The following RHBDD1 variants were observed in gnomAD, a reference collection of about 807,000 sequenced individuals.
The protein encoded by RHBDD1 is rhomboid domain containing 1, also known as rhomboid-related protein 4.
Under a neutral mutation model 36.3 loss-of-function variants are expected in RHBDD1, and 38 were observed. The ratio of observed to expected loss-of-function variants is 1.05; its 90% CI spans 0.81 to 1.37. RHBDD1 has a LOEUF of 1.37. RHBDD1 is among the 40% of genes most tolerant of loss of function. RHBDD1 has a pLI of 0.00. For synonymous variants in RHBDD1, 151 were observed against 136.5 expected (o/e 1.11, Z -0.74); for missense variants, 393 against 377.6 (o/e 1.04, Z -0.34).
the RHBDD1 span, chr2:226,803,941 T>C: frequency 6.6e-6 from 1 of 152,222 alleles, no homozygotes; most frequent in African/African-American, 2.4e-5. Context: ...CAGTGCATTT[T>C]TAACATACTC....
At chr2:226,992,769 C>T (rs1462368015) in intron 8 of RHBDD1, among the ~76,000 whole-genome samples, 1 of 152,142 alleles carries the variant, frequency 6.6e-6, no homozygotes. Flanking sequence ...AGAGGTGCAA[C>T]CCTGAACACT....
chr2:226,928,027 C>G (rs747612019), intron 8 of RHBDD1, among the ~76,000 whole-genome samples: 3 of 152,028 alleles, frequency 2.0e-5, no homozygotes, highest in Non-Finnish European at 4.4e-5. Context: ...AACCCAAGAC[C>G]ATGATTTTCT....
the RHBDD1 span, among the ~76,000 whole-genome samples, chr2:226,829,559 C>T: frequency 4.6e-5 from 7 of 152,154 alleles, no homozygotes; most frequent in Non-Finnish European, 8.8e-5. Flanking sequence ...AAGCCTTACA[C>T]TTCTTTTATT....
At chr2:226,826,161 A>G in the RHBDD1 span, among the ~76,000 whole-genome samples, 1 of 152,198 alleles carries the variant, frequency 6.6e-6, no homozygotes, top group African/African-American at 2.4e-5. Flanking sequence ...TGAGTAGAGA[A>G]TGAGGTTTCA....
In RHBDD1 at chr2:226,998,076, TTGTC is replaced by T. The variant is rs1005620788; in HGVS notation, c.*2558_*2561del. The T allele has an allele frequency of 1.3e-5, 2 of 152,222 alleles. No homozygotes were observed. The highest frequency in any genetic ancestry group is 2.9e-5 in the Non-Finnish European group (2 of 68,036). 9.4% of individuals were successfully genotyped at this position (152,222 alleles called of 1,614,324 possible). A position where few individuals can be genotyped will look rare whatever the true frequency, so the allele number is the denominator to read the frequency against. Reference sequence around the variant, plus strand: ...GGTTTATTTATTAGTAGCTCCCTGATTGTCTGTTAAGCCCCTGGTTCCCACAGTT... The same window carrying T: ...GGTTTATTTATTAGTAGCTCCCTGATTGTTAAGCCCCTGGTTCCCACAGTT... On this transcript the variant is annotated 3_prime_UTR_variant, in exon 9 of 9. Coordinates refer to ENST00000392062, the MANE Select transcript of RHBDD1 (RefSeq NM_001167608.3).
intron 8 of RHBDD1, among the ~76,000 whole-genome samples, chr2:226,918,257 GTGTAT>G (rs2125742137): frequency 6.6e-6 from 1 of 151,954 alleles, no homozygotes; most frequent in African/African-American, 2.4e-5. Flanking sequence ...CAGGCATGCA[GTGTAT>G]AATACATCAG....
chr2:226,851,205 TA>T (rs929862874), intron 3 of RHBDD1, among the ~76,000 whole-genome samples: 1 of 152,072 alleles, frequency 6.6e-6, no homozygotes, highest in African/African-American at 2.4e-5. Context: ...GGAGAGTTGA[TA>T]AATTCCTCTC....
At position 226,864,910 on chromosome 2, in the gene RHBDD1, C is replaced by A. The variant is rs1944199311; in HGVS notation, c.217C>A (p.Leu73Ile). 6.2e-7 allele frequency: 1 copy of A among 1,614,210 alleles called. No individual in the cohort carries two copies. Among genetic ancestry groups the A allele is most frequent in the Non-Finnish European group, 8.5e-7 (1 of 1,180,028 alleles). The change falls in exon 4 of 9, where the codon CTT becomes ATT. Residue 73 changes from leucine to isoleucine, a missense_variant. By Grantham distance (5) the Leu-to-Ile change is conservative. Coordinates refer to ENST00000392062, the MANE Select transcript of RHBDD1 (RefSeq NM_001167608.3). ...CTGGCAGCGTTTACTGCTCTCTCCC[C>A]TTCACCATGCTGATGATTGGCATTT... ...KDWQRLLLSP[L>I]HHADDWHLYF...
chr2:226,937,149 TC>T (rs1384597572), intron 8 of RHBDD1, among the ~76,000 whole-genome samples: 1 of 152,154 alleles, frequency 6.6e-6, no homozygotes, highest in East Asian at 1.9e-4. Flanking sequence ...AAACTTACTT[TC>T]TAGGCCTGAT....
At chr2:226,867,444 A>T in intron 5 of RHBDD1, 126 bp downstream of exon 5, 1 of 1,216,758 alleles carries the variant, frequency 8.2e-7, no homozygotes, top group South Asian at 1.7e-5. Flanking sequence ...ATTAGGACAG[A>T]ATCAAGCTTA....
At chr2:226,802,901 G>T in the RHBDD1 span, among the ~76,000 whole-genome samples, 1 of 152,096 alleles carries the variant, frequency 6.6e-6, no homozygotes, top group Non-Finnish European at 1.5e-5. Flanking sequence ...TTGAGTTATT[G>T]GTTTATGTAT....
chr2:226,880,010 G>A (rs978734314), intron 5 of RHBDD1, among the ~76,000 whole-genome samples: 3 of 152,142 alleles, frequency 2.0e-5, no homozygotes, highest in African/African-American at 7.2e-5. Context: ...TTGAGCACAG[G>A]TTGGCCTGTG....
the RHBDD1 span, among the ~76,000 whole-genome samples, chr2:226,811,416 C>T: frequency 6.6e-6 from 1 of 152,230 alleles, no homozygotes; most frequent in African/African-American, 2.4e-5. Flanking sequence ...ATTCTAGCGC[C>T]TCAGCCTCCT....
chr2:226,888,662 A>C (rs1383873558), intron 5 of RHBDD1, among the ~76,000 whole-genome samples: 1 of 152,084 alleles, frequency 6.6e-6, no homozygotes, highest in East Asian at 1.9e-4. Flanking sequence ...GTTTGTGAAA[A>C]GGCTATGTGT....
intron 5 of RHBDD1, among the ~76,000 whole-genome samples, chr2:226,904,947 G>A (rs761072361): frequency 2.4e-4 from 37 of 152,018 alleles, no homozygotes; most frequent in Non-Finnish European, 2.4e-4. Flanking sequence ...TTGGTGAAAC[G>A]GTCCTGGCAC....
intron 8 of RHBDD1, among the ~76,000 whole-genome samples, chr2:226,976,428 A>G (rs1954594066): frequency 6.6e-6 from 1 of 151,714 alleles, no homozygotes; most frequent in Non-Finnish European, 1.5e-5. Context: ...TATAGTAACA[A>G]TTTGTTGTAA....
chr2:226,816,047 C>T, the RHBDD1 span, among the ~76,000 whole-genome samples: 1 of 152,132 alleles, frequency 6.6e-6, no homozygotes, highest in African/African-American at 2.4e-5. Context: ...ACGCTGCCTT[C>T]AGCTAGAAGC....
chr2:226,800,989 A>G, the RHBDD1 span, among the ~76,000 whole-genome samples: 1 of 152,204 alleles, frequency 6.6e-6, no homozygotes, highest in African/African-American at 2.4e-5. Context: ...AAGCCGACCT[A>G]TAAACAAGCA....
At chr2:226,958,902 C>T (rs1951983259) in intron 8 of RHBDD1, among the ~76,000 whole-genome samples, 1 of 152,220 alleles carries the variant, frequency 6.6e-6, no homozygotes, top group African/African-American at 2.4e-5. Context: ...TCTTCCCCTT[C>T]TGCTCTTTTG....
Sources: allele counts gnomAD v4.1 joint callset (sites outside exome capture counted in the v4.1 genomes callset), GRCh38; gene constraint gnomAD v4.1.1; transcripts MANE v1.5; gene names NCBI Gene and HGNC (gene_info 2026-07-23, HGNC 2026-07-21).